Variants in HEY1 observed in about 807,000 individuals in gnomAD.
The protein encoded by HEY1 is hes related family bHLH transcription factor with YRPW motif 1.
HEY1 carries 9 observed loss-of-function variants against 28.7 expected under a neutral mutation model. The observed-to-expected ratio is 0.31, with a 90% confidence interval of 0.19 to 0.55. The LOEUF is 0.55. Ranked by LOEUF, HEY1 falls within the 20% of genes least tolerant of loss-of-function variation. The pLI, the probability that HEY1 is intolerant of heterozygous loss-of-function variation, is 0.93. For missense variants in HEY1, 385 were observed against 399.4 expected, an observed-to-expected ratio of 0.96 and a Z score of 0.31; for synonymous variants, 213 against 175.6, an observed-to-expected ratio of 1.21 and a Z score of -1.68.
Position 79,765,407 on chromosome 8 carries a change from G to C in HEY1, c.696C>G (p.Pro232=). The C allele has an allele frequency of 6.2e-7, 1 of 1,609,184 alleles. No homozygotes were observed. Among genetic ancestry groups the C allele is most frequent in the Non-Finnish European group, 8.5e-7 (1 of 1,177,890 alleles). ...GCACCGGTCCGAGGCTGCCGCTAGG[G>C]GGCGCTCGCAAAGCAGGCGCCTCCG... ...AHPEAPALRA[P]PSGSLGPVLP... Residue 232 remains proline, a synonymous_variant, in exon 5 of 5, where the codon CCC becomes CCG. Transcript: ENST00000354724.
Position 79,767,253 on chromosome 8 carries a change from G to A in HEY1, c.131C>T (p.Ser44Phe). Residue 44 changes from serine (S) to phenylalanine (F), a missense_variant, in exon 2 of 5, where the codon TCT becomes TTT. This residue lies in a region of HEY1 where 79 missense variants were observed against 60.7 expected (regional missense o/e 1.30). Coordinates refer to ENST00000354724, the MANE Select transcript of HEY1 (RefSeq NM_012258.4). ...SALGSMSPTT[S>F]SQILARKRRR... The stretch of plus-strand genomic sequence containing the variant: ...TCTTTTTCTGGCCAAAATCTGGGAA[G>A]ATGTAGTTGGGGACATGGAACCTAG... The A allele has an allele frequency of 6.2e-7, 1 of 1,614,016 alleles. No homozygotes were observed. Among genetic ancestry groups the A allele is most frequent in the Non-Finnish European group, 8.5e-7 (1 of 1,179,918 alleles).
chr8:79,765,212 C>A lies in HEY1; in HGVS notation c.891G>T (p.Trp297Cys), dbSNP rs145654005. 10 of 1,549,960 alleles carry A rather than the reference C, an allele frequency of 6.5e-6. No homozygotes were observed. The African/African-American group carries it at 1.2e-4, about 19-fold the overall frequency. Residue 297 changes from tryptophan to cysteine, a missense_variant, in exon 5 of 5, where the codon TGG becomes TGT. Trp to Cys is a radical substitution (Grantham distance 215). Transcript: ENST00000354724. The part of the protein sequence containing the change: ...AANLGKPYRP[W>C]GTEIGAF ...TTTAAAAAGCTCCGATCTCCGTCCC[C>A]CAAGGTCTATAGGGCTTGCCAAGGT...
At position 79,764,036 on chromosome 8, in the gene HEY1, TCACAA is replaced by T. The variant is rs964319754; in HGVS notation, c.*1147_*1151del. The T allele has an allele frequency of 5.5e-6, 1 of 181,532 alleles. No homozygotes were observed. The highest frequency in any genetic ancestry group is 2.4e-5 in the African/African-American group (1 of 42,390). 11.2% of individuals were successfully genotyped at this position (181,532 alleles called of 1,614,324 possible). ...ACTTTGTTCTTTCTTTTTTATTTAG[TCACAA>T]CACATCAGTACAACAGAGGTCAAAC... On this transcript the variant is annotated 3_prime_UTR_variant, in exon 5 of 5. Coordinates refer to ENST00000354724, the MANE Select transcript of HEY1 (RefSeq NM_012258.4).
chr8:79,766,588 C>T, intron 4 of HEY1, 63 bp downstream of exon 4: 1 of 1,607,834 alleles, frequency 6.2e-7, no homozygotes, highest in Non-Finnish European at 8.5e-7. Flanking sequence ...CCAATCCTGG[C>T]CTTCAGCCGC....
In HEY1 at chr8:79,765,159, T is replaced by G. The variant is rs1807796005; in HGVS notation, c.*29A>C. 2 of 1,474,096 alleles carry G rather than the reference T, an allele frequency of 1.4e-6. No individual in the cohort carries two copies. The highest frequency in any genetic ancestry group is 5.0e-5 in the East Asian group (2 of 40,234). The allele number at this position is 1,474,096 out of a possible 1,614,324, so 91.3% of individuals were successfully genotyped here. A position where few individuals can be genotyped will look rare whatever the true frequency, so the allele number is the denominator to read the frequency against. ...GTCCAGCCCAGCTGGGATTTTAAAC[T>G]TTCCCCTCCCTCATTCTACATCAGT... On this transcript the variant is annotated 3_prime_UTR_variant, in exon 5 of 5. Transcript: ENST00000354724.
rs1807779100 is a variant in HEY1, at chr8:79,764,489, C to T, written c.*699G>A. On this transcript the variant is annotated 3_prime_UTR_variant, in exon 5 of 5. Coordinates refer to ENST00000354724, the MANE Select transcript of HEY1 (RefSeq NM_012258.4). Reference sequence around the variant, plus strand: ...TGAGACCTAACCTATCAGCGGCTCTCTCCTAACTAAATCAGAACTGCCAGT... The same window carrying T: ...TGAGACCTAACCTATCAGCGGCTCTTTCCTAACTAAATCAGAACTGCCAGT... 4.4e-6 allele frequency: 1 copy of T among 227,442 alleles called. No homozygotes were observed. The highest frequency in any genetic ancestry group is 5.7e-5 in the Admixed American group (1 of 17,624). 14.1% of individuals were successfully genotyped at this position (227,442 alleles called of 1,614,324 possible).
At chr8:79,767,517 G>C in intron 1 of HEY1, 58 bp downstream of exon 1, 1 of 1,499,570 alleles carries the variant, frequency 6.7e-7, no homozygotes. Context: ...TGTCACCGCG[G>C]CAGGCCTGCG....
In HEY1 at chr8:79,766,190, CAT is replaced by C. The variant is rs765506259; in HGVS notation, c.332-421_332-420del. On this transcript the variant is annotated intron_variant, in intron 4 of 4. Coordinates refer to ENST00000354724, the MANE Select transcript of HEY1 (RefSeq NM_012258.4). The stretch of plus-strand genomic sequence containing the variant: ...GTAAAGCATTTTCCTGCTGGAGAGA[CAT>C]ACACACAGACCTTGGTCTCCCGTTA... The C allele has an allele frequency of 5.9e-6, 9 of 1,527,878 alleles. 1 individual carries two copies. The South Asian group carries it at 9.7e-5, about 16-fold the overall frequency. The allele number at this position is 1,527,878 out of a possible 1,614,324, so 94.6% of individuals were successfully genotyped here.
chr8:79,765,038 A>G lies in HEY1; in HGVS notation c.*150T>C. The G allele has an allele frequency of 1.8e-6, 1 of 556,154 alleles. No homozygotes were observed. The allele number at this position is 556,154 out of a possible 1,614,324, so 34.5% of individuals were successfully genotyped here. A position where few individuals can be genotyped will look rare whatever the true frequency, so the allele number is the denominator to read the frequency against. The stretch of plus-strand genomic sequence containing the variant: ...AAAACATTAAAAAAGATAAAAGTAA[A>G]CCAACAAACCTTTAGTCTTTAAAAA... On this transcript the variant is annotated 3_prime_UTR_variant, in exon 5 of 5. Transcript: ENST00000354724.
rs1304203836 is a variant in HEY1 at position 79,765,162 on chromosome 8, C to G, written c.*26G>C. 1 of 1,477,062 alleles carries G rather than the reference C, an allele frequency of 6.8e-7. No homozygotes were observed. Among genetic ancestry groups the G allele is most frequent in the Non-Finnish European group, 9.1e-7 (1 of 1,096,478 alleles). The allele number at this position is 1,477,062 out of a possible 1,614,324, so 91.5% of individuals were successfully genotyped here. A position where few individuals can be genotyped will look rare whatever the true frequency, so the allele number is the denominator to read the frequency against. On this transcript the variant is annotated 3_prime_UTR_variant, in exon 5 of 5. Coordinates refer to ENST00000354724, the MANE Select transcript of HEY1 (RefSeq NM_012258.4). ...CAGCCCAGCTGGGATTTTAAACTTT[C>G]CCCTCCCTCATTCTACATCAGTTCT...
chr8:79,764,969 TAAC>T lies in HEY1; in HGVS notation c.*216_*218del, dbSNP rs762379025. On this transcript the variant is annotated 3_prime_UTR_variant, in exon 5 of 5. Transcript: ENST00000354724. Reference sequence around the variant, plus strand: ...TCAATTTAATGTCTTGAACAAAATTTAACAACTAGTTTTTAAAAACTGCTAATA... The same window carrying T: ...TCAATTTAATGTCTTGAACAAAATTTAACTAGTTTTTAAAAACTGCTAATA... 1.6e-5 allele frequency: 7 copies of T among 446,400 alleles called. No individual in the cohort carries two copies. The highest frequency in any genetic ancestry group is 6.0e-5 in the African/African-American group (3 of 49,808). 27.7% of individuals were successfully genotyped at this position (446,400 alleles called of 1,614,324 possible). A position where few individuals can be genotyped will look rare whatever the true frequency, so the allele number is the denominator to read the frequency against.
chr8:79,766,320 T>G, intron 4 of HEY1: 1 of 1,507,754 alleles, frequency 6.6e-7, no homozygotes, highest in Non-Finnish European at 8.8e-7. Context: ...ACATATTGTT[T>G]TTAAATGCTT....
At chr8:79,767,518 C>T (rs1807876496) in intron 1 of HEY1, 57 bp downstream of exon 1, 1 of 1,497,984 alleles carries the variant, frequency 6.7e-7, no homozygotes, top group African/African-American at 1.4e-5. Context: ...GTCACCGCGG[C>T]AGGCCTGCGC....
At position 79,765,039 on chromosome 8, in the gene HEY1, C is replaced by A; in HGVS notation, c.*149G>T. 7.2e-6 allele frequency: 4 copies of A among 552,296 alleles called. No homozygotes were observed. The highest frequency in any genetic ancestry group is 1.9e-5 in the African/African-American group (1 of 51,794). The allele number at this position is 552,296 out of a possible 1,614,324, so 34.2% of individuals were successfully genotyped here. ...AAACATTAAAAAAGATAAAAGTAAACCAACAAACCTTTAGTCTTTAAAAAA... is the reference window on the plus strand; with the variant it reads ...AAACATTAAAAAAGATAAAAGTAAAACAACAAACCTTTAGTCTTTAAAAAA... On this transcript the variant is annotated 3_prime_UTR_variant, in exon 5 of 5. Transcript: ENST00000354724.
In HEY1 at chr8:79,767,687, G is replaced by A. The variant is rs1480714557; in HGVS notation, c.-24C>T. 6 of 1,566,892 alleles carry A rather than the reference G, an allele frequency of 3.8e-6. No individual in the cohort carries two copies. In the East Asian group the frequency reaches 1.2e-4, roughly 31 times the overall value. On this transcript the variant is annotated 5_prime_UTR_variant, in exon 1 of 5. Coordinates refer to ENST00000354724, the MANE Select transcript of HEY1 (RefSeq NM_012258.4). ...ATGCTGGCTCCCTGGGGGTTCCTGG[G>A]GAGGGTCGGCGCGGCGGGCAGGGAG...
chr8:79,765,365 G>C lies in HEY1; in HGVS notation c.738C>G (p.Ser246=). ...SLGPVLPVVT[S]ASKLSPPLLS... is the part of the protein sequence containing the mutation. ...GCAGAGGCGGCGACAGTTTGGAGGC[G>C]GAGGTGACCACAGGGAGCACCGGTC... is the stretch of plus-strand genomic sequence containing the variant. Residue 246 remains serine (S), a synonymous_variant, in exon 5 of 5, where the codon TCC becomes TCG. Coordinates refer to ENST00000354724, the MANE Select transcript of HEY1 (RefSeq NM_012258.4). 1 of 1,588,232 alleles carries C rather than the reference G, an allele frequency of 6.3e-7. No individual in the cohort carries two copies. The highest frequency in any genetic ancestry group is 1.1e-5 in the South Asian group (1 of 88,170).
At chr8:79,766,230 T>C in intron 4 of HEY1, 4 of 1,534,982 alleles carry the variant, frequency 2.6e-6, no homozygotes, top group Non-Finnish European at 3.5e-6. Flanking sequence ...TTTCCTTTAC[T>C]TAACCAGAAT....
chr8:79,766,868 AC>A (rs1304475271), intron 3 of HEY1, 136 bp from the exon 4 acceptor site: 2 of 1,207,994 alleles, frequency 1.7e-6, no homozygotes, highest in East Asian at 4.7e-5. Flanking sequence ...AGTTGTCTTC[AC>A]AAAATACGCT....
At chr8:79,766,118 C>T (rs1807826842) in intron 4 of HEY1, 1 of 1,026,376 alleles carries the variant, frequency 9.7e-7, no homozygotes, top group Non-Finnish European at 1.4e-6. Context: ...TCATTAGACA[C>T]ACAGATGTAA....
Sources: allele counts gnomAD v4.1 joint callset, GRCh38; gene constraint gnomAD v4.1.1; regional missense constraint gnomAD v4.1.1; transcripts MANE v1.5; gene names NCBI Gene and HGNC (gene_info 2026-07-23, HGNC 2026-07-21).